RNF130: variants seen among roughly 807,000 people sequenced by gnomAD.
RNF130 encodes ring finger protein 130.
Under a neutral mutation model 44.6 loss-of-function variants are expected in RNF130, and 21 were observed. The observed-to-expected ratio is 0.47, with a 90% CI of 0.33 to 0.68. The LOEUF is 0.68. RNF130 is among the 30% of genes least tolerant of loss of function. The pLI, the probability that RNF130 is intolerant of heterozygous loss-of-function variation, is 0.02. For missense variants in RNF130, 479 were observed against 560.6 expected, an observed-to-expected ratio of 0.85 and a Z score of 1.47; for synonymous variants, 214 against 210.4, an observed-to-expected ratio of 1.02 and a Z score of -0.15.
intron 7 of RNF130, among the ~76,000 whole-genome samples, chr5:179,936,412 A>G (rs1672977332): frequency 6.6e-6 from 1 of 152,036 alleles, no homozygotes; most frequent in African/African-American, 2.4e-5. Flanking sequence ...TTTTTTTTGT[A>G]GAGACGGGTT....
At chr5:180,044,122 G>A (rs1764498663) in intron 1 of RNF130, among the ~76,000 whole-genome samples, 2 of 152,258 alleles carry the variant, frequency 1.3e-5, no homozygotes, top group South Asian at 4.1e-4. Context: ...ACATATTATG[G>A]TGTAAAATAT....
At position 179,955,420 on chromosome 5, in the gene RNF130, G is replaced by A; in HGVS notation, c.*234C>T. ...ACACAAACAAATGCAATCTGGGTCT[G>A]CGAGCTTCAAATCAGCCCTCAAAAC... is the stretch of plus-strand genomic sequence containing the variant. On this transcript the variant is annotated 3_prime_UTR_variant, in exon 9 of 9. Coordinates refer to ENST00000521389, the MANE Select transcript of RNF130 (RefSeq NM_018434.6). 2.3e-6 allele frequency: 1 copy of A among 428,548 alleles called. No individual in the cohort carries two copies. Among genetic ancestry groups the A allele is most frequent in the Non-Finnish European group, 4.2e-6 (1 of 236,130 alleles). The allele number at this position is 428,548 out of a possible 1,614,324, so 26.5% of individuals were successfully genotyped here. A position where few individuals can be genotyped will look rare whatever the true frequency, so the allele number is the denominator to read the frequency against.
intron 2 of RNF130, among the ~76,000 whole-genome samples, chr5:180,022,065 G>A (rs1763887419): frequency 1.3e-5 from 2 of 152,202 alleles, no homozygotes; most frequent in Admixed American, 1.3e-4. Flanking sequence ...GGTGCCGCTG[G>A]CAGTAACAAC....
chr5:179,935,894 T>C (rs1048918344), intron 7 of RNF130, among the ~76,000 whole-genome samples: 1 of 152,162 alleles, frequency 6.6e-6, no homozygotes, highest in African/African-American at 2.4e-5. Flanking sequence ...AGAGCAGTTT[T>C]ACCTCACTTG....
intron 6 of RNF130, among the ~76,000 whole-genome samples, chr5:179,968,061 C>T (rs1021297271): frequency 2.6e-5 from 4 of 151,902 alleles, no homozygotes; most frequent in Non-Finnish European, 1.5e-5. Flanking sequence ...TTTGGGAGGC[C>T]GAGGCGGGCA....
At chr5:180,046,218 A>T (rs62405021) in intron 1 of RNF130, among the ~76,000 whole-genome samples, 84,945 of 151,950 alleles carry the variant, frequency 0.56, 24,160 homozygotes, top group South Asian at 0.73. Flanking sequence ...GGGCAGGTGC[A>T]GGGCCCGCCA....
At chr5:179,932,311 G>A (rs1582126603) in intron 7 of RNF130, among the ~76,000 whole-genome samples, 1 of 152,082 alleles carries the variant, frequency 6.6e-6, no homozygotes, top group Non-Finnish European at 1.5e-5. Context: ...AGGCTGGAGT[G>A]CAGTGGTGCA....
At chr5:179,991,757 A>G (rs536505229) in intron 3 of RNF130, among the ~76,000 whole-genome samples, 1 of 152,016 alleles carries the variant, frequency 6.6e-6, no homozygotes, top group African/African-American at 2.4e-5. Flanking sequence ...TATTTCTATT[A>G]TTATTAAATT....
Position 180,013,044 on chromosome 5 carries a change from T to C in RNF130, c.693+17A>G, listed in dbSNP as rs763518319. The C allele has an allele frequency of 3.7e-6, 6 of 1,608,176 alleles. No homozygotes were observed. The South Asian group carries it at 4.4e-5, about 12-fold the overall frequency. On this transcript the variant is annotated intron_variant, in intron 3 of 8. Transcript: ENST00000521389. ...TCTGGCTGTTACGAACCAATCACTG[T>C]TGAGTACTGAGCTCACCTGGTTCCT...
chr5:180,067,715 C>G (rs1281640613), intron 1 of RNF130, among the ~76,000 whole-genome samples: 1 of 152,154 alleles, frequency 6.6e-6, no homozygotes, highest in Non-Finnish European at 1.5e-5. Context: ...CCAGCTCTTT[C>G]TGAATGTTCA....
intron 1 of RNF130, among the ~76,000 whole-genome samples, chr5:180,053,903 C>T (rs891469367): frequency 2.6e-5 from 4 of 151,104 alleles, no homozygotes; most frequent in Admixed American, 6.6e-5. Context: ...GATCTCGGCT[C>T]ACTGCAACCT....
chr5:180,040,736 A>G (rs374318734), intron 1 of RNF130, 89 bp from the exon 2 acceptor site: 1 of 1,241,748 alleles, frequency 8.1e-7, no homozygotes. Context: ...AATACCACAC[A>G]GAGCTAAAGC....
At chr5:179,999,650 A>G in intron 3 of RNF130, among the ~76,000 whole-genome samples, 1 of 152,118 alleles carries the variant, frequency 6.6e-6, no homozygotes, top group East Asian at 1.9e-4. Flanking sequence ...CCGGGAGGCG[A>G]AGGTTGCAGT....
At chr5:179,934,442 T>C (rs1761858458) in intron 7 of RNF130, among the ~76,000 whole-genome samples, 1 of 152,120 alleles carries the variant, frequency 6.6e-6, no homozygotes, top group Admixed American at 6.5e-5. Flanking sequence ...TTCCTGATAA[T>C]GGTCATTTGG....
chr5:180,046,225 G>C (rs543615412), intron 1 of RNF130, among the ~76,000 whole-genome samples: 3 of 152,112 alleles, frequency 2.0e-5, no homozygotes, highest in African/African-American at 7.2e-5. Context: ...TGCAGGGCCC[G>C]CCAAGCTCAC....
chr5:180,008,637 C>A (rs1403138573), intron 3 of RNF130, among the ~76,000 whole-genome samples: 1 of 151,970 alleles, frequency 6.6e-6, no homozygotes, highest in Non-Finnish European at 1.5e-5. Context: ...GTAATCCCAG[C>A]ACTTTGGGAG....
chr5:179,960,845 GAAA>G (rs5873676), intron 8 of RNF130, among the ~76,000 whole-genome samples: 1 of 147,914 alleles, frequency 6.8e-6, no homozygotes, highest in African/African-American at 2.5e-5. Context: ...CAATTAAGGT[GAAA>G]AAAAAAAAAA....
At chr5:179,942,409 G>C (rs558795957) in intron 7 of RNF130, among the ~76,000 whole-genome samples, 2 of 151,906 alleles carry the variant, frequency 1.3e-5, no homozygotes, top group East Asian at 3.9e-4. Flanking sequence ...CCAAATTTTG[G>C]AAAAAAAGAA....
intron 7 of RNF130, among the ~76,000 whole-genome samples, chr5:179,936,169 T>C (rs1582128503): frequency 6.6e-6 from 1 of 152,228 alleles, no homozygotes; most frequent in African/African-American, 2.4e-5. Context: ...TCACCCAGGC[T>C]GGAGTGCAGA....
Sources: gnomAD v4.1 joint callset for allele counts (sites outside exome capture counted in the v4.1 genomes callset) on GRCh38, gnomAD v4.1.1 for gene constraint, MANE v1.5 for transcripts, NCBI Gene and HGNC (gene_info 2026-07-23, HGNC 2026-07-21) for gene names.